Variants in XCR1 observed in about 807,000 individuals in gnomAD.
XCR1 encodes the protein X-C motif chemokine receptor 1.
For missense variants in XCR1, 356 were observed against 424.2 expected (o/e 0.84, Z 1.41); for synonymous variants, 187 against 188.5 (o/e 0.99, Z 0.06).
At chr3:46,050,855 C>T (rs4683168) in intron 5 of XCR1, among the ~76,000 whole-genome samples, 61,333 of 151,990 alleles carry the variant, frequency 0.4, 12,887 homozygotes, top group South Asian at 0.54. Context: ...TGCTGTAATG[C>T]GCCCATCGGT....
chr3:46,076,393 T>G (rs1390189018), intron 2 of XCR1, among the ~76,000 whole-genome samples: 1 of 152,136 alleles, frequency 6.6e-6, no homozygotes, highest in Non-Finnish European at 1.5e-5. Context: ...GCTGAATATT[T>G]TGTCTGAGCT....
chr3:46,029,135 A>G (rs760725127), upstream of XCR1, among the ~76,000 whole-genome samples: 1 of 151,758 alleles, frequency 6.6e-6, no homozygotes, highest in Non-Finnish European at 1.5e-5. Context: ...TCTTTCTTCT[A>G]TTCAAGATTG....
chr3:46,023,613 C>T, intron 1 of XCR1: 2 of 1,364,924 alleles, frequency 1.5e-6, no homozygotes, highest in South Asian at 1.2e-5. Flanking sequence ...AACTCTCTGC[C>T]GAGGATGCGG....
At chr3:46,082,088 A>G (rs1285080169) in intron 1 of XCR1, among the ~76,000 whole-genome samples, 1 of 152,132 alleles carries the variant, frequency 6.6e-6, no homozygotes, top group Non-Finnish European at 1.5e-5. Flanking sequence ...CATATTTCTC[A>G]TTTTAAAAAG....
chr3:46,046,316 G>C (rs1575422682), intron 5 of XCR1, among the ~76,000 whole-genome samples: 3 of 152,236 alleles, frequency 2.0e-5, no homozygotes, highest in African/African-American at 7.2e-5. Flanking sequence ...TTAGGCAAAA[G>C]AGATAGCGAG....
upstream of XCR1, among the ~76,000 whole-genome samples, chr3:46,032,456 C>A (rs1708415612): frequency 1.3e-5 from 2 of 152,220 alleles, no homozygotes; most frequent in Non-Finnish European, 2.9e-5. Flanking sequence ...ATGCTGGACC[C>A]CACACTTGCT....
At chr3:46,076,598 A>T (rs1255915081) in intron 2 of XCR1, among the ~76,000 whole-genome samples, 1 of 150,136 alleles carries the variant, frequency 6.7e-6, no homozygotes, top group Admixed American at 6.6e-5. Flanking sequence ...AAAAAATAGG[A>T]TATCATTGAA....
At chr3:46,082,602 C>T (rs1031122250) in intron 1 of XCR1, among the ~76,000 whole-genome samples, 46 of 150,798 alleles carry the variant, frequency 3.1e-4, no homozygotes, top group African/African-American at 1.1e-3. Context: ...GCAATCCTCC[C>T]GACTCAGCTT....
chr3:46,025,089 C>T (rs1034570985), intron 1 of XCR1, among the ~76,000 whole-genome samples: 1 of 151,816 alleles, frequency 6.6e-6, no homozygotes, highest in Non-Finnish European at 1.5e-5. Context: ...AAAGAATAAA[C>T]GTCTAAAATC....
chr3:46,049,197 G>A (rs796404310), intron 5 of XCR1, among the ~76,000 whole-genome samples: 2 of 151,494 alleles, frequency 1.3e-5, no homozygotes, highest in Non-Finnish European at 2.9e-5. Context: ...AATTTCATTT[G>A]GAGCCAAACC....
In XCR1 at chr3:46,053,164, CAT is replaced by C. The variant is rs146504117; in HGVS notation, c.-32+754_-32+755del. 3.7e-3 allele frequency among the ~76,000 whole-genome samples: 557 copies of C among 152,358 alleles called. 3 individuals carry two copies. Among genetic ancestry groups the C allele is most frequent in the African/African-American group, 0.012 (513 of 41,576 alleles). On this transcript the variant is annotated intron_variant, in intron 5 of 5. Transcript: ENST00000683768. ...GTTTCACATCAAAGGGTAGAAGACA[CAT>C]AGCACCAAACACAGATTCTAGCAAT...
rs1708109398 is a variant in XCR1 at position 46,020,012 on chromosome 3, G to T, written c.*934C>A. The T allele has an allele frequency of 6.6e-6, 1 of 152,312 alleles. No homozygotes were observed. The highest frequency in any genetic ancestry group is 1.5e-5 in the Non-Finnish European group (1 of 68,116). The allele number at this position is 152,312 out of a possible 1,614,324, so 9.4% of individuals were successfully genotyped here. A position where few individuals can be genotyped will look rare whatever the true frequency, so the allele number is the denominator to read the frequency against. On this transcript the variant is annotated 3_prime_UTR_variant, in exon 2 of 2. Coordinates refer to ENST00000309285, the MANE Select transcript of XCR1 (RefSeq NM_001024644.2). Reference sequence around the variant, plus strand: ...TCCAAGAGGACTTGAGGTTTGGAGTGTGGGTGGGTGGGGGGAGCTACCACC... The same window carrying T: ...TCCAAGAGGACTTGAGGTTTGGAGTTTGGGTGGGTGGGGGGAGCTACCACC...
chr3:46,078,588 G>A (rs537669830), intron 1 of XCR1, among the ~76,000 whole-genome samples: 1 of 152,334 alleles, frequency 6.6e-6, no homozygotes, highest in South Asian at 2.1e-4. Context: ...GGAGGTCTGG[G>A]TCCAGGCATT....
At chr3:46,049,011 C>T (rs953583314) in intron 5 of XCR1, among the ~76,000 whole-genome samples, 17 of 152,140 alleles carry the variant, frequency 1.1e-4, no homozygotes, top group Admixed American at 7.9e-4. Flanking sequence ...GGTCCATTGC[C>T]AGTTTTTAAT....
At chr3:46,071,073 A>T (rs1159461690) in intron 3 of XCR1, among the ~76,000 whole-genome samples, 1 of 152,206 alleles carries the variant, frequency 6.6e-6, no homozygotes, top group African/African-American at 2.4e-5. Context: ...CATACTCAGA[A>T]ATGAAAATGA....
intron 5 of XCR1, among the ~76,000 whole-genome samples, chr3:46,033,897 T>C (rs1697365650): frequency 6.6e-6 from 1 of 152,226 alleles, no homozygotes; most frequent in Non-Finnish European, 1.5e-5. Context: ...AAATTGATGC[T>C]CAGGCATTTA....
upstream of XCR1, among the ~76,000 whole-genome samples, chr3:46,031,971 T>C (rs796684451): frequency 5.9e-5 from 9 of 152,202 alleles, no homozygotes; most frequent in South Asian, 8.3e-4. Flanking sequence ...TGAACACTCA[T>C]TGGGACACCC....
upstream of XCR1, among the ~76,000 whole-genome samples, chr3:46,029,914 T>A (rs114350337): frequency 0.019 from 2,827 of 152,344 alleles, 85 homozygotes; most frequent in African/African-American, 0.066. Context: ...TAAGTATTTT[T>A]ATGCTATTGT....
upstream of XCR1, among the ~76,000 whole-genome samples, chr3:46,030,764 C>A (rs145972233): frequency 1.2e-3 from 176 of 152,264 alleles, 1 homozygote; most frequent in Middle Eastern, 0.01. Flanking sequence ...TGCCCTGCAT[C>A]CCCATGCCCT....
Sources: allele counts gnomAD v4.1 joint callset (sites outside exome capture counted in the v4.1 genomes callset), GRCh38; gene constraint gnomAD v4.1.1; transcripts MANE v1.5; gene names NCBI Gene and HGNC (gene_info 2026-07-23, HGNC 2026-07-21).